The following XRCC1 variants were observed in gnomAD, a reference collection of about 807,000 sequenced individuals.
XRCC1 encodes the protein DNA repair protein XRCC1.
Under a neutral mutation model 83.3 loss-of-function variants are expected in XRCC1, and 52 were observed. The observed-to-expected ratio is 0.62, with a 90% CI of 0.50 to 0.79. The LOEUF (loss-of-function observed/expected upper bound fraction) is 0.79, where lower values mean the gene tolerates loss of function less well. Among genes scored for constraint, XRCC1 ranks in the 30% least tolerant of loss-of-function variants. The probability of loss-of-function intolerance (pLI) is 0.00; values close to 1 mark genes in which losing one functional copy is unlikely to be tolerated. For missense variants in XRCC1, 793 were observed against 823.5 expected (o/e 0.96, Z 0.45); for synonymous variants, 281 against 312.6 (o/e 0.90, Z 1.07).
intron 15 of XRCC1, among the ~76,000 whole-genome samples, chr19:43,543,924 C>T (rs1028369149): frequency 6.6e-6 from 1 of 152,110 alleles, no homozygotes; most frequent in Non-Finnish European, 1.5e-5. Context: ...TAGGGATCCT[C>T]GCCATACAGA....
At chr19:43,547,289 G>A (rs1359190154) in intron 10 of XRCC1, among the ~76,000 whole-genome samples, 1 of 151,644 alleles carries the variant, frequency 6.6e-6, no homozygotes, top group Non-Finnish European at 1.5e-5. Context: ...AGGTTCGAGC[G>A]ACTCCCCTGC....
intron 2 of XRCC1, among the ~76,000 whole-genome samples, chr19:43,570,989 T>C (rs1228252713): frequency 6.6e-6 from 1 of 152,176 alleles, no homozygotes; most frequent in African/African-American, 2.4e-5. Context: ...GCAATGCTGA[T>C]CTCCCACTCC....
At position 43,551,625 on chromosome 19, in the gene XRCC1, C is replaced by T. The variant is rs146443634; in HGVS notation, c.1145G>A (p.Arg382His). Residue 382 changes from arginine (R) to histidine (H), a missense_variant, in exon 10 of 17, where the codon CGT becomes CAT. Coordinates refer to ENST00000262887, the MANE Select transcript of XRCC1 (RefSeq NM_006297.3). ...QVLGLGGRIV[R>H]KEWVLDCHRM... ...GTGACAGTCCAGCACCCACTCCTTA[C>T]GCACGATGCGGCCTCCCAGGCCTAG... 8.8e-5 allele frequency: 142 copies of T among 1,614,108 alleles called. No homozygotes were observed. The Admixed American group carries it at 1.7e-3, about 19-fold the overall frequency.
chr19:43,559,263 C>G (rs1318471073), intron 3 of XRCC1, among the ~76,000 whole-genome samples: 1 of 151,884 alleles, frequency 6.6e-6, no homozygotes, highest in Admixed American at 6.6e-5. Flanking sequence ...GTGGGCAGAT[C>G]ACAAGGTCAG....
At chr19:43,544,381 C>T in intron 14 of XRCC1, 147 bp from the exon 15 acceptor site, 6 of 678,870 alleles carry the variant, frequency 8.8e-6, no homozygotes, top group Non-Finnish European at 1.5e-5. Flanking sequence ...CCCTGCCCAG[C>T]GGCCCATCAG....
chr19:43,557,596 A>G (rs1420519406), intron 3 of XRCC1, among the ~76,000 whole-genome samples: 1 of 151,920 alleles, frequency 6.6e-6, no homozygotes, highest in Non-Finnish European at 1.5e-5. Context: ...TGCATTTATC[A>G]TCTGGTGACT....
intron 1 of XRCC1, 67 bp downstream of exon 1, chr19:43,575,341 G>A: frequency 6.7e-7 from 1 of 1,490,794 alleles, no homozygotes. Context: ...AACCCCAAAA[G>A]CTCTTTTAAG....
At chr19:43,545,704 A>T in intron 14 of XRCC1, 114 bp downstream of exon 14, 1 of 1,392,584 alleles carries the variant, frequency 7.2e-7, no homozygotes, top group Non-Finnish European at 9.8e-7. Context: ...TTGAGGAAGG[A>T]GAGGGGAGGC....
intron 9 of XRCC1, 78 bp downstream of exon 9, chr19:43,551,939 G>A (rs2146049713): frequency 6.7e-7 from 1 of 1,502,650 alleles, no homozygotes; most frequent in African/African-American, 1.4e-5. Flanking sequence ...AGTGGACACA[G>A]AGAAAGCACA....
chr19:43,543,613 T>G lies in XRCC1; in HGVS notation c.1787A>C (p.Glu596Ala). Reference protein sequence around the residue: ...TAQEWDPSFEEALMDNPSLAF... With the variant: ...TAQEWDPSFEAALMDNPSLAF... ...ATTCTCTGCCTCTTTGGTACTCACC[T>G]CCTCAAAGCTGGGATCCCATTCCTG... Residue 596 changes from glutamate (E) to alanine (A), a missense_variant and splice_region_variant, in exon 16 of 17, where the codon GAG becomes GCG. Transcript: ENST00000262887. 3 of 1,613,936 alleles carry G rather than the reference T, an allele frequency of 1.9e-6. No homozygotes were observed. The highest frequency in any genetic ancestry group is 2.5e-6 in the Non-Finnish European group (3 of 1,179,980).
Position 43,560,937 on chromosome 19 carries a change from A to G in XRCC1, c.228T>C (p.Ala76=). Residue 76 remains alanine (A), a synonymous_variant, in exon 3 of 17, where the codon GCT becomes GCC. Transcript: ENST00000262887. The stretch of plus-strand genomic sequence containing the variant: ...CATAGTCTTGCTCCCCAGCGCCTCC[A>G]GCTGAACTGCCCACCAGCACCTCCA... The part of the protein sequence containing the change: ...AFVEVLVGSS[A]GGAGEQDYEV... 1 of 1,614,204 alleles carries G rather than the reference A, an allele frequency of 6.2e-7. No homozygotes were observed.
intron 13 of XRCC1, 30 bp downstream of exon 13, chr19:43,546,022 G>A (rs756235385): frequency 6.2e-6 from 10 of 1,613,774 alleles, no homozygotes; most frequent in Admixed American, 1.7e-5. Context: ...CCAAGGCCAG[G>A]GACACCCCAA....
At chr19:43,564,106 C>T (rs1266968815) in intron 2 of XRCC1, among the ~76,000 whole-genome samples, 1 of 152,160 alleles carries the variant, frequency 6.6e-6, no homozygotes, top group Non-Finnish European at 1.5e-5. Context: ...TGAGAACATT[C>T]AAATCCATAC....
In XRCC1 at chr19:43,572,831, G is replaced by GCTTT. The variant is rs3213258; in HGVS notation, c.144+2078_144+2079insAAAG. Among the ~76,000 whole-genome samples the GCTTT allele has an allele frequency of 9.7e-4, 147 of 151,876 alleles. 3 individuals carry two copies. In the South Asian group the frequency reaches 0.03, roughly 31 times the overall value. On this transcript the variant is annotated intron_variant, in intron 2 of 16. Transcript: ENST00000262887. ...GACCAGATGATGTTACAGTAACAAA[G>GCTTT]GAGTCCCTAATCTCAGTGGTTTAAA...
Position 43,546,507 on chromosome 19 carries a change from T to A in XRCC1, c.1426+88A>T. The A allele has an allele frequency of 4.9e-6, 7 of 1,423,934 alleles. No individual in the cohort carries two copies. In the South Asian group the frequency reaches 9.1e-5, roughly 19 times the overall value. The allele number at this position is 1,423,934 out of a possible 1,614,324, so 88.2% of individuals were successfully genotyped here. On this transcript the variant is annotated intron_variant, in intron 12 of 16. Coordinates refer to ENST00000262887, the MANE Select transcript of XRCC1 (RefSeq NM_006297.3). ...CAGGAGTCCAGGCCCCAGCCCCTCCTCCCTCAGACTCAGGAGCCCAGGCCG... is the reference window on the plus strand; with the variant it reads ...CAGGAGTCCAGGCCCCAGCCCCTCCACCCTCAGACTCAGGAGCCCAGGCCG...
rs1972607250 is a variant in XRCC1, at chr19:43,553,752, C to A, written c.415-69G>T. 2.2e-6 allele frequency: 3 copies of A among 1,338,326 alleles called. No individual in the cohort carries two copies. In the East Asian group the frequency reaches 7.0e-5, roughly 31 times the overall value. 82.9% of individuals were successfully genotyped at this position (1,338,326 alleles called of 1,614,324 possible). ...AGAGGCCAGGGCCCAAGACCCTTTT[C>A]ACTCAGGGAAACCTCTTCCTGGCTC... On this transcript the variant is annotated intron_variant, in intron 4 of 16. Coordinates refer to ENST00000262887, the MANE Select transcript of XRCC1 (RefSeq NM_006297.3).
chr19:43,544,848 G>GA (rs1659052858), intron 14 of XRCC1, among the ~76,000 whole-genome samples: 2 of 151,574 alleles, frequency 1.3e-5, no homozygotes, highest in South Asian at 2.1e-4. Context: ...GGGTCGGGGG[G>GA]GGTCTCACTA....
Position 43,552,083 on chromosome 19 carries a change from C to A in XRCC1, c.1016G>T (p.Arg339Leu). 6.2e-7 allele frequency: 1 copy of A among 1,614,102 alleles called. No individual in the cohort carries two copies. The highest frequency in any genetic ancestry group is 8.5e-7 in the Non-Finnish European group (1 of 1,180,008). Residue 339 changes from arginine to leucine, a missense_variant, in exon 9 of 17, where the codon CGA becomes CTA. Coordinates refer to ENST00000262887, the MANE Select transcript of XRCC1 (RefSeq NM_006297.3). ...GGCCCCAAGCTCTAGGGCCTTATCT[C>A]GCAGCTCGGAGCGGAAGGGGTTCTG... is the stretch of plus-strand genomic sequence containing the variant. Reference protein sequence around the residue: ...GFQNPFRSELRDKALELGAKY... With the variant: ...GFQNPFRSELLDKALELGAKY...
Position 43,575,403 on chromosome 19 carries a change from C to G in XRCC1, c.51+5G>C. 6.2e-7 allele frequency: 1 copy of G among 1,602,868 alleles called. No individual in the cohort carries two copies. Among genetic ancestry groups the G allele is most frequent in the African/African-American group, 1.3e-5 (1 of 74,722 alleles). The stretch of plus-strand genomic sequence containing the variant: ...CTTCCAACCTCCCCCATGCAGGTCC[C>G]TCACCGAGTCCTGGCTGCTGCAGGA... On this transcript the variant is annotated splice_donor_5th_base_variant and intron_variant, in intron 1 of 16. Transcript: ENST00000262887.
Sources: gnomAD v4.1 joint callset for allele counts (sites outside exome capture counted in the v4.1 genomes callset) on GRCh38, gnomAD v4.1.1 for gene constraint, MANE v1.5 for transcripts, NCBI Gene and HGNC (gene_info 2026-07-23, HGNC 2026-07-21) for gene names.